Variants in PRR5 observed in about 807,000 individuals in gnomAD.
PRR5 encodes the protein proline-rich protein 5.
A neutral mutation model predicts 30.6 loss-of-function variants in PRR5; 25 were observed. That is an observed-to-expected ratio of 0.82 (90% confidence interval 0.60 to 1.14). PRR5 has a LOEUF of 1.14. PRR5 is among the 50% of genes most tolerant of loss of function. PRR5 has a pLI of 0.00. For missense variants in PRR5, 600 were observed against 547.1 expected (o/e 1.10, Z -0.96); for synonymous variants, 286 against 247.1 (o/e 1.16, Z -1.48).
intron 6 of PRR5, among the ~76,000 whole-genome samples, 196 bp downstream of exon 6, chr22:44,732,587 C>T (rs1922228824): frequency 6.6e-6 from 1 of 152,162 alleles, no homozygotes. Context: ...GCTCAAGCTG[C>T]AGACCCGTTC....
rs116972431 is a variant in PRR5 at position 44,683,684 on chromosome 22, G to A, written c.-11+6444G>A. On this transcript the variant is annotated intron_variant, in intron 1 of 8. Coordinates refer to the PRR5 transcript ENST00000006251. Reference sequence around the variant, plus strand: ...AGACCCTTGGGGACCTCTGAATCAGGTCCTCTGATTGGCCTCAGATCCAGT... The same window carrying A: ...AGACCCTTGGGGACCTCTGAATCAGATCCTCTGATTGGCCTCAGATCCAGT... Among the ~76,000 whole-genome samples the A allele has an allele frequency of 7.2e-4, 110 of 152,332 alleles. 1 individual carries two copies. The East Asian group carries it at 0.02, about 28-fold the overall frequency.
intron 1 of PRR5, among the ~76,000 whole-genome samples, chr22:44,669,888 C>T (rs573629498): frequency 6.6e-4 from 100 of 152,180 alleles, no homozygotes; most frequent in African/African-American, 2.4e-3. Flanking sequence ...TCCCTGTGGC[C>T]CCTCCGGCCT....
intron 1 of PRR5, among the ~76,000 whole-genome samples, chr22:44,708,960 C>CT (rs1927686772): frequency 9.4e-6 from 1 of 105,894 alleles, no homozygotes; most frequent in Non-Finnish European, 1.7e-5. Flanking sequence ...GAGTGAGACT[C>CT]TGTCTCAAAA....
At chr22:44,725,734 A>G (rs1483871947) in intron 3 of PRR5, among the ~76,000 whole-genome samples, 2 of 151,350 alleles carry the variant, frequency 1.3e-5, no homozygotes, top group East Asian at 3.9e-4. Context: ...GCGCGATCTC[A>G]GCTCACTGCA....
intron 1 of PRR5, among the ~76,000 whole-genome samples, chr22:44,705,004 C>G (rs546600242): frequency 6.6e-6 from 1 of 152,182 alleles, no homozygotes; most frequent in East Asian, 1.9e-4. Context: ...CGGGGACAGG[C>G]GTGTCATTCT....
At chr22:44,669,152 C>T (rs544625521) in intron 1 of PRR5, among the ~76,000 whole-genome samples, 75 of 150,758 alleles carry the variant, frequency 5.0e-4, no homozygotes, top group African/African-American at 1.7e-3. Flanking sequence ...AGTTTGTCCG[C>T]GTCTCTGTGG....
chr22:44,698,860 C>T (rs1382181361), upstream of PRR5, among the ~76,000 whole-genome samples: 1 of 152,210 alleles, frequency 6.6e-6, no homozygotes, highest in Non-Finnish European at 1.5e-5. Context: ...CCCCAGTTGC[C>T]CCCTGCTCTG....
chr22:44,698,823 C>A (rs949654455), upstream of PRR5, among the ~76,000 whole-genome samples: 1 of 152,240 alleles, frequency 6.6e-6, no homozygotes, highest in Non-Finnish European at 1.5e-5. Flanking sequence ...ACAGAGCACA[C>A]TTAGGGGCTA....
intron 1 of PRR5, among the ~76,000 whole-genome samples, chr22:44,680,417 G>T (rs1924170060): frequency 6.6e-6 from 1 of 152,168 alleles, no homozygotes; most frequent in African/African-American, 2.4e-5. Context: ...AAGGATGGGG[G>T]ATGGGGACAG....
chr22:44,684,024 CG>C (rs1555895506), intron 1 of PRR5, among the ~76,000 whole-genome samples: 3 of 152,204 alleles, frequency 2.0e-5, no homozygotes, highest in Non-Finnish European at 2.9e-5. Flanking sequence ...GTGTGTCCCC[CG>C]GACTGGGTGG....
At chr22:44,695,923 CTTTTTT>C (rs79228617) in intron 1 of PRR5, among the ~76,000 whole-genome samples, 3 of 73,346 alleles carry the variant, frequency 4.1e-5, no homozygotes, top group South Asian at 7.3e-4. Flanking sequence ...ATTCTGACAA[CTTTTTT>C]TTTTTTTTTT....
intron 1 of PRR5, among the ~76,000 whole-genome samples, chr22:44,693,363 G>A (rs1408830138): frequency 1.3e-5 from 2 of 151,992 alleles, no homozygotes; most frequent in East Asian, 1.9e-4. Flanking sequence ...CAGGGAGGCT[G>A]TGGGAGGATC....
rs780549280 is a variant in PRR5 at position 44,710,629 on chromosome 22, G to A, written c.135-3962G>A. Among the ~76,000 whole-genome samples, 9 of 133,162 alleles carry A rather than the reference G, an allele frequency of 6.8e-5. No individual in the cohort carries two copies. In the South Asian group the frequency reaches 9.2e-4, roughly 14 times the overall value. 87.4% of individuals were successfully genotyped at this position (133,162 alleles called of 152,430 possible). On this transcript the variant is annotated intron_variant, in intron 1 of 7. Transcript: ENST00000336985. ...CCTGTATCCCTGAGTGGCCCGCAGC[G>A]AGGCTTTCTTGTTTACCAAACACCC...
chr22:44,726,878 A>T (rs1348792398), intron 4 of PRR5, among the ~76,000 whole-genome samples: 1 of 152,070 alleles, frequency 6.6e-6, no homozygotes, highest in Non-Finnish European at 1.5e-5. Context: ...ATCGGGGAAA[A>T]GCCCCCTGCT....
chr22:44,726,378 AC>A (rs1372541048), intron 3 of PRR5, among the ~76,000 whole-genome samples, 198 bp from the exon 4 acceptor site: 1 of 152,000 alleles, frequency 6.6e-6, no homozygotes, highest in South Asian at 2.1e-4. Flanking sequence ...TCTCGTGACA[AC>A]CCGGGGTTGG....
At chr22:44,697,313 C>T (rs1206039041), upstream of PRR5, among the ~76,000 whole-genome samples, 2 of 152,212 alleles carry the variant, frequency 1.3e-5, no homozygotes, top group Admixed American at 6.5e-5. Flanking sequence ...ACCCTGGCGG[C>T]GGTCACCAAG....
intron 1 of PRR5, among the ~76,000 whole-genome samples, chr22:44,681,976 G>C (rs1924330980): frequency 6.6e-6 from 1 of 152,170 alleles, no homozygotes; most frequent in African/African-American, 2.4e-5. Flanking sequence ...GCTGGAGGGA[G>C]GAGCCGGCAA....
At chr22:44,683,080 C>T (rs1384363727) in intron 1 of PRR5, among the ~76,000 whole-genome samples, 3 of 152,216 alleles carry the variant, frequency 2.0e-5, no homozygotes, top group Non-Finnish European at 4.4e-5. Context: ...CAGAGCCTTC[C>T]ACCAGGAAGC....
chr22:44,727,285 G>GGCA (rs756208986), intron 4 of PRR5, among the ~76,000 whole-genome samples: 6 of 152,060 alleles, frequency 3.9e-5, no homozygotes, highest in Non-Finnish European at 8.8e-5. Flanking sequence ...GAGAGCCTCG[G>GGCA]GCAGCAGCAG....
Sources: gnomAD v4.1 joint callset for allele counts (sites outside exome capture counted in the v4.1 genomes callset) on GRCh38, gnomAD v4.1.1 for gene constraint, MANE v1.5 for transcripts, NCBI Gene and HGNC (gene_info 2026-07-23, HGNC 2026-07-21) for gene names.